PUS10: variants seen among roughly 807,000 people sequenced by gnomAD.
The protein encoded by PUS10 is pseudouridine synthase 10.
PUS10 carries 59 observed loss-of-function variants against 75.0 expected under a neutral mutation model. The observed-to-expected ratio is 0.79, with a 90% CI of 0.64 to 0.98. The LOEUF is 0.98. Among genes scored for constraint, PUS10 ranks in the 50% least tolerant of loss-of-function variants. The pLI is 0.00. For synonymous variants in PUS10, 219 were observed against 211.6 expected (o/e 1.03, Z -0.30); for missense variants, 650 against 614.4 (o/e 1.06, Z -0.61).
intron 1 of PUS10, among the ~76,000 whole-genome samples, chr2:61,013,522 A>T (rs2104754583): frequency 6.7e-6 from 1 of 150,352 alleles, no homozygotes; most frequent in Middle Eastern, 3.4e-3. Context: ...TGTTATCATT[A>T]TGTCTTCATT....
chr2:60,979,664 A>G (rs1677260780), intron 4 of PUS10, among the ~76,000 whole-genome samples: 1 of 152,218 alleles, frequency 6.6e-6, no homozygotes, highest in Non-Finnish European at 1.5e-5. Context: ...TATGTTGGCC[A>G]TGTTTAAAAA....
At chr2:60,983,441 G>C (rs1469886234) in intron 4 of PUS10, among the ~76,000 whole-genome samples, 3 of 152,138 alleles carry the variant, frequency 2.0e-5, no homozygotes, top group Non-Finnish European at 4.4e-5. Context: ...CACTTTGCGA[G>C]GCTGAGGCAG....
chr2:60,987,391 G>A (rs779761359), intron 4 of PUS10, among the ~76,000 whole-genome samples: 1 of 152,078 alleles, frequency 6.6e-6, no homozygotes, highest in East Asian at 1.9e-4. Context: ...AGGAAGAGAG[G>A]AAGGGAGGGA....
intron 2 of PUS10, 94 bp downstream of exon 2, chr2:61,011,671 A>C (rs1425612473): frequency 1.1e-6 from 1 of 892,104 alleles, no homozygotes; most frequent in African/African-American, 1.7e-5. Context: ...AAGAGTTATG[A>C]ATAGATACCT....
chr2:60,941,167 C>A lies in PUS10; in HGVS notation c.*1228G>T, dbSNP rs960211390. 1 of 152,146 alleles carries A rather than the reference C, an allele frequency of 6.6e-6. No individual in the cohort carries two copies. Among genetic ancestry groups the A allele is most frequent in the African/African-American group, 2.4e-5 (1 of 41,386 alleles). The allele number at this position is 152,146 out of a possible 1,614,324, so 9.4% of individuals were successfully genotyped here. A position where few individuals can be genotyped will look rare whatever the true frequency, so the allele number is the denominator to read the frequency against. Reference sequence around the variant, plus strand: ...GCTCCTTTCTGAAACTTAAATGACCCATTCATTTTTTTTAGGTTTAGCTTA... The same window carrying A: ...GCTCCTTTCTGAAACTTAAATGACCAATTCATTTTTTTTAGGTTTAGCTTA... On this transcript the variant is annotated 3_prime_UTR_variant, in exon 18 of 18. Transcript: ENST00000316752.
In PUS10 at chr2:60,969,685, T is replaced by A. The variant is rs555948885; in HGVS notation, c.503+1838A>T. On this transcript the variant is annotated intron_variant, in intron 5 of 17. Transcript: ENST00000316752. ...ACAATCTTTTCAACCCAGAATGAAC[T>A]AGGGACACTGAGGGAAAAGAACAAT... Among the ~76,000 whole-genome samples, 12 of 152,364 alleles carry A rather than the reference T, an allele frequency of 7.9e-5. No homozygotes were observed. In the South Asian group the frequency reaches 2.5e-3, roughly 32 times the overall value.
At chr2:60,956,974 C>CAAAAA (rs56804354) in intron 11 of PUS10, among the ~76,000 whole-genome samples, 11 of 19,204 alleles carry the variant, frequency 5.7e-4, no homozygotes, top group Admixed American at 9.1e-4. Flanking sequence ...GACTCCATCT[C>CAAAAA]AAAAAAAAAA....
At chr2:60,996,654 T>C (rs1224693513) in intron 4 of PUS10, among the ~76,000 whole-genome samples, 1 of 151,948 alleles carries the variant, frequency 6.6e-6, no homozygotes, top group Admixed American at 6.6e-5. Context: ...ATATCCAGAT[T>C]CCAATAAACG....
chr2:60,945,511 G>C (rs554907273), intron 16 of PUS10, among the ~76,000 whole-genome samples: 15 of 152,248 alleles, frequency 9.9e-5, no homozygotes, highest in African/African-American at 3.4e-4. Context: ...CCAGATGGTA[G>C]GTTTCCACAG....
intron 4 of PUS10, among the ~76,000 whole-genome samples, chr2:60,983,141 C>T (rs1279058112): frequency 6.6e-6 from 1 of 152,074 alleles, no homozygotes; most frequent in African/African-American, 2.4e-5. Flanking sequence ...AATCCTCCTG[C>T]CTTGGTCTCC....
chr2:61,007,211 T>A (rs1428893714), intron 3 of PUS10, among the ~76,000 whole-genome samples: 2 of 146,886 alleles, frequency 1.4e-5, no homozygotes, highest in Non-Finnish European at 3.0e-5. Context: ...AAGAGTAGGC[T>A]TTTGTTTTTT....
chr2:60,949,247 AT>A (rs1675185859), intron 15 of PUS10, among the ~76,000 whole-genome samples: 1 of 152,206 alleles, frequency 6.6e-6, no homozygotes, highest in African/African-American at 2.4e-5. Context: ...CAAAAAAAAA[AT>A]ACATAAATAA....
chr2:60,965,324 C>A lies in PUS10; in HGVS notation c.677+99G>T, dbSNP rs751462106. The A allele has an allele frequency of 3.8e-5, 41 of 1,080,992 alleles. 1 individual carries two copies. Among genetic ancestry groups the A allele is most frequent in the Non-Finnish European group, 4.1e-5 (29 of 711,530 alleles). The allele number at this position is 1,080,992 out of a possible 1,614,324, so 67.0% of individuals were successfully genotyped here. On this transcript the variant is annotated intron_variant, in intron 7 of 17. Transcript: ENST00000316752. ...TAAACCTACTAAGACATAACAAGTT[C>A]TTCTCTTTCTTATTAGGAAGAGAAG...
chr2:60,982,769 G>A (rs1458365458), intron 4 of PUS10, among the ~76,000 whole-genome samples: 5 of 151,898 alleles, frequency 3.3e-5, no homozygotes, highest in African/African-American at 1.2e-4. Context: ...AAATCTAATT[G>A]CATGATTTAA....
intron 12 of PUS10, among the ~76,000 whole-genome samples, chr2:60,954,498 C>A (rs1216085241): frequency 6.6e-6 from 1 of 152,174 alleles, no homozygotes; most frequent in Non-Finnish European, 1.5e-5. Context: ...CTGTTGAAAT[C>A]CATCCTTCTA....
intron 3 of PUS10, among the ~76,000 whole-genome samples, chr2:61,007,887 C>T (rs975122165): frequency 2.0e-5 from 3 of 148,936 alleles, no homozygotes; most frequent in African/African-American, 7.4e-5. Context: ...TTAAGACCAT[C>T]CTGGCTAACA....
At chr2:60,981,757 CCTGGATTTTCATTCTG>C (rs1384655376) in intron 4 of PUS10, among the ~76,000 whole-genome samples, 1 of 152,080 alleles carries the variant, frequency 6.6e-6, no homozygotes, top group African/African-American at 2.4e-5. Flanking sequence ...ATAGGAGATA[CCTGGATTTTCATTCTG>C]CCTCTACATT....
Position 60,965,043 on chromosome 2 carries a change from G to C in PUS10, c.723+15C>G. The C allele has an allele frequency of 6.2e-7, 1 of 1,612,330 alleles. No individual in the cohort carries two copies. Among genetic ancestry groups the C allele is most frequent in the Non-Finnish European group, 8.5e-7 (1 of 1,178,826 alleles). ...AAAACTCACTCAAGACTAAGAAGCGGGAACCTTTCCTTACCTGTTTGTTTT... is the reference window on the plus strand; with the variant it reads ...AAAACTCACTCAAGACTAAGAAGCGCGAACCTTTCCTTACCTGTTTGTTTT... On this transcript the variant is annotated intron_variant, in intron 8 of 17. Transcript: ENST00000316752.
chr2:60,966,358 A>C (rs1172035210), intron 6 of PUS10: 1 of 152,160 alleles, frequency 6.6e-6, no homozygotes, highest in Non-Finnish European at 1.5e-5. Flanking sequence ...CTATGTTGCA[A>C]TTTTGTCTTT....
Sources: allele counts gnomAD v4.1 joint callset (sites outside exome capture counted in the v4.1 genomes callset), GRCh38; gene constraint gnomAD v4.1.1; transcripts MANE v1.5; gene names NCBI Gene and HGNC (gene_info 2026-07-23, HGNC 2026-07-21).